MPPED2: variants seen among roughly 807,000 people sequenced by gnomAD.
MPPED2 encodes metallophosphoesterase domain containing 2.
In MPPED2, 5 loss-of-function variants were observed where a neutral mutation model predicts 33.0. The ratio of observed to expected loss-of-function variants is 0.15; its 90% CI spans 0.08 to 0.32. The LOEUF (loss-of-function observed/expected upper bound fraction) is 0.32. MPPED2 is among the 10% of genes least tolerant of loss of function. The pLI is 1.00. For synonymous variants in MPPED2, 136 were observed against 141.9 expected (o/e 0.96, Z 0.29); for missense variants, 275 against 372.1 (o/e 0.74, Z 2.15).
chr11:30,474,342 G>A (rs557050), intron 4 of MPPED2, among the ~76,000 whole-genome samples: 15,433 of 152,170 alleles, frequency 0.1, 1,013 homozygotes, highest in South Asian at 0.24. Context: ...TCTTAGTGAC[G>A]TCACTTACCT....
At chr11:30,567,004 G>T (rs924709177) in intron 2 of MPPED2, among the ~76,000 whole-genome samples, 4 of 152,024 alleles carry the variant, frequency 2.6e-5, no homozygotes, top group Admixed American at 6.6e-5. Context: ...CAAAGTTTAC[G>T]GCCACGGATC....
intron 5 of MPPED2, among the ~76,000 whole-genome samples, chr11:30,415,050 G>T (rs191478271): frequency 1.3e-5 from 2 of 152,278 alleles, no homozygotes; most frequent in Admixed American, 6.5e-5. Flanking sequence ...GCCTGGAATG[G>T]AATCCATACG....
chr11:30,476,387 T>A (rs1400942954), intron 4 of MPPED2, among the ~76,000 whole-genome samples: 2 of 152,030 alleles, frequency 1.3e-5, no homozygotes, highest in Non-Finnish European at 2.9e-5. Context: ...TAGATTTCAT[T>A]TTTTAAAAAA....
intron 4 of MPPED2, among the ~76,000 whole-genome samples, chr11:30,485,470 C>CATTTACA (rs1951696094): frequency 6.7e-6 from 1 of 148,954 alleles, no homozygotes; most frequent in Non-Finnish European, 1.5e-5. Context: ...ACATGTGTAA[C>CATTTACA]AAGGTAAATA....
intron 4 of MPPED2, among the ~76,000 whole-genome samples, chr11:30,420,449 T>G (rs1377678144): frequency 6.6e-6 from 1 of 152,206 alleles, no homozygotes; most frequent in Non-Finnish European, 1.5e-5. Context: ...AACGTACTTG[T>G]AAGATAAATA....
chr11:30,505,587 G>C (rs1391946608), intron 3 of MPPED2, among the ~76,000 whole-genome samples: 1 of 152,164 alleles, frequency 6.6e-6, no homozygotes, highest in African/African-American at 2.4e-5. Flanking sequence ...GGCTTATAAA[G>C]AAAGATTTAT....
At chr11:30,386,532 C>A (rs1947704166) in exon 7 of MPPED2, 2 of 390,434 alleles carry the variant, frequency 5.1e-6, no homozygotes, top group South Asian at 2.9e-4. Flanking sequence ...AAATAAACCT[C>A]TTTTCTTTAT....
chr11:30,557,911 T>G (rs1347397230), intron 2 of MPPED2, among the ~76,000 whole-genome samples: 2 of 152,202 alleles, frequency 1.3e-5, no homozygotes, highest in Non-Finnish European at 2.9e-5. Flanking sequence ...CTAATGAATT[T>G]TATTCCTTGG....
At chr11:30,445,647 C>T (rs980611745) in intron 4 of MPPED2, among the ~76,000 whole-genome samples, 2 of 152,210 alleles carry the variant, frequency 1.3e-5, no homozygotes, top group Non-Finnish European at 2.9e-5. Flanking sequence ...TGCCATTCTA[C>T]TTTCCATCTT....
chr11:30,396,699 T>C (rs564832), intron 6 of MPPED2, among the ~76,000 whole-genome samples: 47,855 of 152,042 alleles, frequency 0.31, 7,690 homozygotes, highest in African/African-American at 0.35. Flanking sequence ...TGAGTTTGAA[T>C]GCTCTTTTTT....
chr11:30,504,084 A>AGAT (rs1468049431), intron 3 of MPPED2, among the ~76,000 whole-genome samples: 2 of 152,230 alleles, frequency 1.3e-5, no homozygotes, highest in African/African-American at 4.8e-5. Flanking sequence ...GGGCAGTGCC[A>AGAT]GATGCCTGTT....
At chr11:30,508,473 CA>C (rs1952963580) in intron 3 of MPPED2, among the ~76,000 whole-genome samples, 1 of 152,154 alleles carries the variant, frequency 6.6e-6, no homozygotes, top group African/African-American at 2.4e-5. Context: ...TGTGTTCCCC[CA>C]AAATGCATAG....
intron 4 of MPPED2, among the ~76,000 whole-genome samples, chr11:30,421,053 C>T (rs1427628108): frequency 2.6e-5 from 4 of 152,102 alleles, no homozygotes; most frequent in South Asian, 2.1e-4. Flanking sequence ...CTCATCTGGA[C>T]GTCTAATAAA....
chr11:30,561,735 CTGTGGCTAAAAGTGCTCCT>C (rs1956248954), intron 2 of MPPED2, among the ~76,000 whole-genome samples: 1 of 152,186 alleles, frequency 6.6e-6, no homozygotes, highest in African/African-American at 2.4e-5. Flanking sequence ...GGAAAATTGC[CTGTGGCTAAAAGTGCTCCT>C]TGTGGAGCAA....
chr11:30,463,295 C>T (rs1322889078), intron 4 of MPPED2, among the ~76,000 whole-genome samples: 1 of 152,212 alleles, frequency 6.6e-6, no homozygotes, highest in African/African-American at 2.4e-5. Context: ...TTCCTACCCC[C>T]AGTAAACAGC....
At chr11:30,491,977 G>A (rs1952002599) in intron 4 of MPPED2, among the ~76,000 whole-genome samples, 1 of 152,106 alleles carries the variant, frequency 6.6e-6, no homozygotes, top group Non-Finnish European at 1.5e-5. Context: ...AATAGGAAAT[G>A]GTTGAAGCTT....
intron 3 of MPPED2, among the ~76,000 whole-genome samples, chr11:30,512,153 T>G (rs1953242850): frequency 6.6e-6 from 1 of 152,176 alleles, no homozygotes; most frequent in African/African-American, 2.4e-5. Context: ...CTATTGTCAT[T>G]GGGCTTCTAG....
rs556112934 is a variant in MPPED2, at chr11:30,432,508, G to T, written c.537-14875C>A. Among the ~76,000 whole-genome samples, 36 of 152,098 alleles carry T rather than the reference G, an allele frequency of 2.4e-4. 1 individual carries two copies. In the South Asian group the frequency reaches 7.0e-3, roughly 30 times the overall value. On this transcript the variant is annotated intron_variant, in intron 4 of 6. Coordinates refer to ENST00000358117, the MANE Select transcript of MPPED2 (RefSeq NM_001584.3). Reference sequence around the variant, plus strand: ...AATTTGCTATATTTCATTTTTGAAAGGTATCTTTATGTGAGCCAGGTCTGA... The same window carrying T: ...AATTTGCTATATTTCATTTTTGAAATGTATCTTTATGTGAGCCAGGTCTGA...
chr11:30,539,532 T>C (rs1265663426), intron 2 of MPPED2, among the ~76,000 whole-genome samples: 1 of 152,198 alleles, frequency 6.6e-6, no homozygotes, highest in Non-Finnish European at 1.5e-5. Flanking sequence ...TCTCGTTCAA[T>C]GTTTTACATG....
Sources: allele counts gnomAD v4.1 joint callset (sites outside exome capture counted in the v4.1 genomes callset), GRCh38; gene constraint gnomAD v4.1.1; transcripts MANE v1.5; gene names NCBI Gene and HGNC (gene_info 2026-07-23, HGNC 2026-07-21).